The following CPED1 variants were observed in gnomAD, a reference collection of about 807,000 sequenced individuals.
The protein encoded by CPED1 is cadherin-like and PC-esterase domain-containing protein 1.
Under a neutral mutation model 128.2 loss-of-function variants are expected in CPED1, and 114 were observed. The observed-to-expected ratio is 0.89, with a 90% CI of 0.76 to 1.04. The LOEUF (loss-of-function observed/expected upper bound fraction) is 1.04. Among genes scored for constraint, CPED1 ranks in the 50% least tolerant of loss-of-function variants. The pLI, the probability that CPED1 is intolerant of heterozygous loss-of-function variation, is 0.00. For missense variants in CPED1, 1,211 were observed against 1,207.1 expected, an observed-to-expected ratio of 1.00 and a Z score of -0.05; for synonymous variants, 462 against 426.7, an observed-to-expected ratio of 1.08 and a Z score of -1.02.
chr7:121,030,991 T>G (rs1351823291), intron 3 of CPED1, among the ~76,000 whole-genome samples: 3 of 152,218 alleles, frequency 2.0e-5, no homozygotes, highest in Non-Finnish European at 4.4e-5. Flanking sequence ...AAGCAGTTCA[T>G]GTCATAAATG....
At chr7:121,013,686 C>A (rs1195879909) in intron 2 of CPED1, among the ~76,000 whole-genome samples, 2 of 152,256 alleles carry the variant, frequency 1.3e-5, no homozygotes, top group East Asian at 3.9e-4. Flanking sequence ...TGATTTGAAT[C>A]CAGCAGTTTA....
In CPED1 at chr7:121,128,434, A is replaced by G. The variant is rs756995830; in HGVS notation, c.1355A>G (p.Asn452Ser). 1 of 1,605,266 alleles carries G rather than the reference A, an allele frequency of 6.2e-7. No homozygotes were observed. The highest frequency in any genetic ancestry group is 8.5e-7 in the Non-Finnish European group (1 of 1,172,184). Residue 452 changes from asparagine to serine, a missense_variant, in exon 11 of 23, where the codon AAC (asparagine) becomes AGC (serine). By Grantham distance (46) the Asn-to-Ser change is conservative (BLOSUM62 1). Transcript: ENST00000310396. Reference protein sequence around the residue: ...LNQCLSLEEINSIMTFIKELG... With the variant: ...LNQCLSLEEISSIMTFIKELG... ...CAGTGTCTGTCCTTAGAAGAAATTA[A>G]CTCAATTATGACTTTCATAAAGGAA...
rs139213113 is a variant in CPED1, at chr7:121,185,534, T to C, written c.2055+43393T>C. On this transcript the variant is annotated intron_variant, in intron 16 of 22. Transcript: ENST00000310396. Reference sequence around the variant, plus strand: ...GCATCAAAAATTGTTGTTTTATTAGTAATAATTAAGGACATAATTTTAAGC... The same window carrying C: ...GCATCAAAAATTGTTGTTTTATTAGCAATAATTAAGGACATAATTTTAAGC... Among the ~76,000 whole-genome samples the C allele has an allele frequency of 3.3e-3, 498 of 152,272 alleles. 2 individuals carry two copies. The highest frequency in any genetic ancestry group is 0.011 in the African/African-American group (444 of 41,564).
At chr7:121,061,040 A>G (rs1457588268) in intron 4 of CPED1, 1 of 152,328 alleles carries the variant, frequency 6.6e-6, no homozygotes, top group Non-Finnish European at 1.5e-5. Context: ...CGAGACCACG[A>G]ACCCACCAGA....
chr7:121,158,005 A>C (rs76951038), intron 16 of CPED1, among the ~76,000 whole-genome samples: 2 of 152,082 alleles, frequency 1.3e-5, no homozygotes, highest in African/African-American at 4.8e-5. Context: ...ACTGTAAAAA[A>C]TTTTTTGATG....
intron 3 of CPED1, among the ~76,000 whole-genome samples, chr7:121,042,911 T>C (rs1444423876): frequency 1.3e-5 from 2 of 152,206 alleles, no homozygotes; most frequent in Non-Finnish European, 2.9e-5. Flanking sequence ...AGTTGTCCTT[T>C]TCCCCATGCA....
chr7:121,291,457 G>A (rs911701172), intron 22 of CPED1, among the ~76,000 whole-genome samples: 2 of 152,130 alleles, frequency 1.3e-5, no homozygotes, highest in Admixed American at 6.5e-5. Flanking sequence ...CCATTTGTTT[G>A]TGTCCTCTCT....
chr7:121,093,311 T>C (rs762803259), intron 5 of CPED1, among the ~76,000 whole-genome samples: 10 of 151,966 alleles, frequency 6.6e-5, no homozygotes, highest in Non-Finnish European at 1.2e-4. Context: ...AAAGGCAGTT[T>C]TATGTGGCTC....
chr7:121,040,571 C>G (rs1793024494), intron 3 of CPED1, among the ~76,000 whole-genome samples: 1 of 151,950 alleles, frequency 6.6e-6, no homozygotes, highest in Non-Finnish European at 1.5e-5. Context: ...TAAAAATGTA[C>G]TCATGAACAT....
chr7:121,099,808 A>G (rs922901053), intron 6 of CPED1, 118 bp from the exon 7 acceptor site: 4 of 1,020,686 alleles, frequency 3.9e-6, no homozygotes, highest in African/African-American at 1.6e-5. Flanking sequence ...AAACCCACAC[A>G]CTGAGGGCTG....
intron 3 of CPED1, among the ~76,000 whole-genome samples, chr7:121,035,463 AGG>A (rs1562999955): frequency 3.2e-4 from 48 of 152,292 alleles, no homozygotes; most frequent in African/African-American, 1.1e-3. Flanking sequence ...AGATTTGGGA[AGG>A]AGATGTGAGT....
At chr7:121,076,479 C>T (rs1289262627) in intron 5 of CPED1, 2 of 152,136 alleles carry the variant, frequency 1.3e-5, no homozygotes, top group African/African-American at 2.4e-5. Flanking sequence ...TTGACCCTTT[C>T]TTATGTGGTT....
chr7:121,275,951 T>G (rs577448557), intron 22 of CPED1, among the ~76,000 whole-genome samples: 22 of 147,430 alleles, frequency 1.5e-4, no homozygotes, highest in African/African-American at 5.2e-4. Flanking sequence ...AAAAAAAAAC[T>G]GAAATAATGA....
chr7:121,129,279 GTATATATGTATATA>G (rs1231669381), intron 11 of CPED1, among the ~76,000 whole-genome samples: 1 of 88,698 alleles, frequency 1.1e-5, no homozygotes, highest in African/African-American at 4.7e-5. Flanking sequence ...ATGTGTGTGT[GTATATATGTATATA>G]TATATATATA....
At chr7:121,052,428 C>A (rs985827200) in intron 4 of CPED1, among the ~76,000 whole-genome samples, 2 of 152,146 alleles carry the variant, frequency 1.3e-5, no homozygotes, top group African/African-American at 4.8e-5. Flanking sequence ...CAACCCTTTG[C>A]GCCATCACTC....
At chr7:121,004,705 G>T (rs1484336924) in intron 2 of CPED1, among the ~76,000 whole-genome samples, 1 of 152,152 alleles carries the variant, frequency 6.6e-6, no homozygotes, top group Non-Finnish European at 1.5e-5. Context: ...AGGAATTCAG[G>T]AATTTCTAGG....
chr7:121,288,387 T>C (rs553661637), intron 22 of CPED1, among the ~76,000 whole-genome samples: 29 of 152,324 alleles, frequency 1.9e-4, no homozygotes, highest in African/African-American at 4.6e-4. Flanking sequence ...TATGGGAGCA[T>C]TGACCCTATA....
intron 7 of CPED1, among the ~76,000 whole-genome samples, chr7:121,122,169 CT>C (rs1290095527): frequency 2.4e-5 from 3 of 123,488 alleles, no homozygotes. Flanking sequence ...GAGACAGAGT[CT>C]CGCTCTGTCA....
At chr7:121,063,125 T>G (rs1473643487) in intron 4 of CPED1, among the ~76,000 whole-genome samples, 1 of 152,154 alleles carries the variant, frequency 6.6e-6, no homozygotes, top group Non-Finnish European at 1.5e-5. Flanking sequence ...GAAGCTAGGC[T>G]TCATTCATAC....
Sources: allele counts gnomAD v4.1 joint callset (sites outside exome capture counted in the v4.1 genomes callset), GRCh38; gene constraint gnomAD v4.1.1; transcripts MANE v1.5; gene names NCBI Gene and HGNC (gene_info 2026-07-23, HGNC 2026-07-21).